Variants in CC2D1B observed in about 807,000 individuals in gnomAD.
CC2D1B encodes coiled-coil and C2 domain-containing protein 1B.
A neutral mutation model predicts 110.8 loss-of-function variants in CC2D1B; 92 were observed. That is an observed-to-expected ratio of 0.83 (90% CI 0.70 to 0.99). CC2D1B has a LOEUF of 0.99. Among genes scored for constraint, CC2D1B ranks in the 50% least tolerant of loss-of-function variants. CC2D1B has a pLI of 0.00. For missense variants in CC2D1B, 1,136 were observed against 1,089.0 expected (o/e 1.04, Z -0.61); for synonymous variants, 406 against 429.2 (o/e 0.95, Z 0.67).
Position 52,355,804 on chromosome 1 carries a change from T to C in CC2D1B, c.2095A>G (p.Ile699Val). The change falls in exon 19 of 25, where the codon ATT becomes GTT. Residue 699 changes from isoleucine to valine, a missense_variant. By Grantham distance (29) the Ile-to-Val change is conservative. Transcript: ENST00000284376. ...ELNSTEMHLI[I>V]VRGMNLPAPP... ...GCTGGGAGGTTCATTCCCCGGACAA[T>C]GATCAGATGCATTTCTGTGCTGTTG... 1 of 1,614,038 alleles carries C rather than the reference T, an allele frequency of 6.2e-7. No homozygotes were observed. The highest frequency in any genetic ancestry group is 1.1e-5 in the South Asian group (1 of 91,068).
rs1199335221 is a variant in CC2D1B, at chr1:52,361,499, C to G, written c.318+14G>C. The G allele has an allele frequency of 6.2e-7, 1 of 1,613,572 alleles. No individual in the cohort carries two copies. Among genetic ancestry groups the G allele is most frequent in the Non-Finnish European group, 8.5e-7 (1 of 1,179,848 alleles). On this transcript the variant is annotated intron_variant, in intron 4 of 24. Coordinates refer to ENST00000284376, the MANE Select transcript of CC2D1B (RefSeq NM_001330585.2). ...TTGCCTCAGAGCCCTGGGATACCAG[C>G]CTGGCAGACACACCAGCAGCTCTGC...
Position 52,354,909 on chromosome 1 carries a change from TTGA to T in CC2D1B, c.2267_2269del (p.Ile756del). On this transcript the variant is annotated inframe_deletion, in exon 22 of 25. Coordinates refer to ENST00000284376, the MANE Select transcript of CC2D1B (RefSeq NM_001330585.2). ...CCTCTTGAAGCCCCGGTGGTTTCGG[TTGA>T]TGTTTAGTTTGAAGAGTTGATCAAA... is the stretch of plus-strand genomic sequence containing the variant. 2 of 1,614,112 alleles carry T rather than the reference TTGA, an allele frequency of 1.2e-6. No homozygotes were observed. The highest frequency in any genetic ancestry group is 1.1e-5 in the South Asian group (1 of 91,080).
intron 4 of CC2D1B, 92 bp downstream of exon 4, chr1:52,361,421 C>T: frequency 1.3e-6 from 2 of 1,579,404 alleles, no homozygotes; most frequent in Non-Finnish European, 8.6e-7. Context: ...TCAGAGAATA[C>T]AGGGGCACCC....
intron 16 of CC2D1B, chr1:52,356,682 AC>A: frequency 1.7e-6 from 1 of 605,224 alleles, no homozygotes; most frequent in Non-Finnish European, 2.9e-6. Flanking sequence ...TCAAAACCTA[AC>A]TCAAACATCC....
Position 52,359,246 on chromosome 1 carries a change from C to T in CC2D1B, c.1126+4G>A, listed in dbSNP as rs1200210398. 2 of 1,611,876 alleles carry T rather than the reference C, an allele frequency of 1.2e-6. No individual in the cohort carries two copies. The highest frequency in any genetic ancestry group is 1.7e-6 in the Non-Finnish European group (2 of 1,178,668). On this transcript the variant is annotated splice_donor_region_variant and intron_variant, in intron 10 of 24. Transcript: ENST00000284376. ...CACGCCACAGTCCCACCATCCTGCC[C>T]TACCTGGGGTTGCTGGGACGTCAGG...
intron 17 of CC2D1B, 29 bp downstream of exon 17, chr1:52,356,353 CTA>C (rs1286885287): frequency 6.2e-7 from 1 of 1,614,168 alleles, no homozygotes; most frequent in East Asian, 2.2e-5. Context: ...GCTCCCCACC[CTA>C]TGAGCCCAGC....
rs578226976 is a variant in CC2D1B at position 52,365,190 on chromosome 1, C to T, written c.-14-556G>A. On this transcript the variant is annotated intron_variant, in intron 1 of 24. Coordinates refer to ENST00000284376, the MANE Select transcript of CC2D1B (RefSeq NM_001330585.2). Reference sequence around the variant, plus strand: ...AGCATTCTGATTCCCATAAAGATCTCACAGTTATTCACAGGACCTCCTGTG... The same window carrying T: ...AGCATTCTGATTCCCATAAAGATCTTACAGTTATTCACAGGACCTCCTGTG... 3.3e-5 allele frequency among the ~76,000 whole-genome samples: 5 copies of T among 152,352 alleles called. No homozygotes were observed. The East Asian group carries it at 9.6e-4, about 29-fold the overall frequency.
chr1:52,355,555 G>A, intron 20 of CC2D1B, 53 bp downstream of exon 20: 2 of 1,609,202 alleles, frequency 1.2e-6, no homozygotes, highest in Non-Finnish European at 1.7e-6. Context: ...TGAGCACAGG[G>A]TCCTGGAATG....
intron 3 of CC2D1B, among the ~76,000 whole-genome samples, chr1:52,362,196 T>G (rs914476686): frequency 2.0e-5 from 3 of 152,118 alleles, no homozygotes; most frequent in Admixed American, 6.5e-5. Flanking sequence ...GAGAGGACGA[T>G]TTAGACCTCC....
chr1:52,356,739 A>G (rs1490935820), intron 16 of CC2D1B: 5 of 598,916 alleles, frequency 8.3e-6, no homozygotes, highest in African/African-American at 1.9e-5. Context: ...TCAGATAGAT[A>G]AATACATAAA....
In CC2D1B at chr1:52,350,799, G is replaced by A. The variant is rs1012754497; in HGVS notation, c.*2426C>T. On this transcript the variant is annotated 3_prime_UTR_variant, in exon 25 of 25. Transcript: ENST00000284376. ...CTTGCTCTGTCGCCCAGGCTGGAGTGCAGTGGTACAATCGAGGCTCACTGC... is the reference window on the plus strand; with the variant it reads ...CTTGCTCTGTCGCCCAGGCTGGAGTACAGTGGTACAATCGAGGCTCACTGC... 6.6e-5 allele frequency: 10 copies of A among 152,310 alleles called. No homozygotes were observed. Among genetic ancestry groups the A allele is most frequent in the Non-Finnish European group, 1.5e-4 (10 of 68,106 alleles). 9.4% of individuals were successfully genotyped at this position (152,310 alleles called of 1,614,324 possible). A position where few individuals can be genotyped will look rare whatever the true frequency, so the allele number is the denominator to read the frequency against.
chr1:52,362,832 C>T (rs1646811583), intron 2 of CC2D1B, 86 bp from the exon 3 acceptor site: 2 of 1,374,750 alleles, frequency 1.5e-6, no homozygotes, highest in Admixed American at 2.0e-5. Context: ...TCTCCAAGTC[C>T]CAATCAGTGG....
At position 52,356,375 on chromosome 1, in the gene CC2D1B, T is replaced by TA. The variant is rs1160254325; in HGVS notation, c.1937+8_1937+9insT. On this transcript the variant is annotated intron_variant, in intron 17 of 24. Coordinates refer to ENST00000284376, the MANE Select transcript of CC2D1B (RefSeq NM_001330585.2). ...ACCCTATGAGCCCAGCCCCAGCCCT[T>TA]GCACTTACCGGGTGGTCTCAGCCAC... is the stretch of plus-strand genomic sequence containing the variant. The TA allele has an allele frequency of 5.0e-6, 8 of 1,614,058 alleles. No individual in the cohort carries two copies. The African/African-American group carries it at 1.1e-4, about 22-fold the overall frequency.
intron 12 of CC2D1B, 27 bp from the exon 13 acceptor site, chr1:52,358,488 G>A: frequency 1.2e-6 from 2 of 1,612,576 alleles, no homozygotes; most frequent in Non-Finnish European, 1.7e-6. Context: ...GCATGGGAGG[G>A]GCAGGGAGCA....
intron 23 of CC2D1B, 128 bp downstream of exon 23, chr1:52,354,480 C>T (rs1557539869): frequency 1.2e-6 from 1 of 854,468 alleles, no homozygotes; most frequent in East Asian, 2.4e-5. Flanking sequence ...TCCACCTACT[C>T]TAAGCACACT....
chr1:52,353,652 G>A lies in CC2D1B; in HGVS notation c.2431-5C>T. The A allele has an allele frequency of 6.3e-7, 1 of 1,587,158 alleles. No individual in the cohort carries two copies. Among genetic ancestry groups the A allele is most frequent in the Non-Finnish European group, 8.6e-7 (1 of 1,166,356 alleles). ...GGGCTTCCTTCCATCCAGGACCTGT[G>A]AGGACCACAGAGAGGGAAATGGTAA... is the stretch of plus-strand genomic sequence containing the variant. On this transcript the variant is annotated splice_region_variant and splice_polypyrimidine_tract_variant and intron_variant, in intron 23 of 24. Coordinates refer to ENST00000284376, the MANE Select transcript of CC2D1B (RefSeq NM_001330585.2).
At chr1:52,365,695 G>A (rs1646865761) in intron 1 of CC2D1B, among the ~76,000 whole-genome samples, 1 of 152,246 alleles carries the variant, frequency 6.6e-6, no homozygotes, top group South Asian at 2.1e-4. Context: ...CCAAAGGGGA[G>A]GTGCACAGAA....
At position 52,352,575 on chromosome 1, in the gene CC2D1B, C is replaced by T. The variant is rs1646548803; in HGVS notation, c.*650G>A. On this transcript the variant is annotated 3_prime_UTR_variant, in exon 25 of 25. Coordinates refer to ENST00000284376, the MANE Select transcript of CC2D1B (RefSeq NM_001330585.2). Reference sequence around the variant, plus strand: ...TATATTTTTTCTTCCAGTTAACAGTCTTTTCTCTTGGGTGGGTAGACCAAA... The same window carrying T: ...TATATTTTTTCTTCCAGTTAACAGTTTTTTCTCTTGGGTGGGTAGACCAAA... 1 of 152,596 alleles carries T rather than the reference C, an allele frequency of 6.6e-6. No individual in the cohort carries two copies. The highest frequency in any genetic ancestry group is 6.5e-5 in the Admixed American group (1 of 15,286). The allele number at this position is 152,596 out of a possible 1,614,324, so 9.5% of individuals were successfully genotyped here. A position where few individuals can be genotyped will look rare whatever the true frequency, so the allele number is the denominator to read the frequency against.
chr1:52,355,661 T>C lies in CC2D1B; in HGVS notation c.2134A>G (p.Thr712Ala). Reference protein sequence around the residue: ...GMNLPAPPGVTPDDLDAFVRF... With the variant: ...GMNLPAPPGVAPDDLDAFVRF... ...ACAAAAGCATCCAGGTCATCGGGAGTCACCCCTGGGAAGGAGAAAAGGGAG... is the reference window on the plus strand; with the variant it reads ...ACAAAAGCATCCAGGTCATCGGGAGCCACCCCTGGGAAGGAGAAAAGGGAG... The change falls in exon 20 of 25, where the codon ACT (threonine) becomes GCT (alanine). Residue 712 changes from threonine to alanine, a missense_variant. Coordinates refer to ENST00000284376, the MANE Select transcript of CC2D1B (RefSeq NM_001330585.2). The C allele has an allele frequency of 3.1e-6, 5 of 1,613,824 alleles. No homozygotes were observed. Among genetic ancestry groups the C allele is most frequent in the Non-Finnish European group, 3.4e-6 (4 of 1,179,970 alleles).
Sources: gnomAD v4.1 joint callset for allele counts (sites outside exome capture counted in the v4.1 genomes callset) on GRCh38, gnomAD v4.1.1 for gene constraint, MANE v1.5 for transcripts, NCBI Gene and HGNC (gene_info 2026-07-23, HGNC 2026-07-21) for gene names.